The following LINGO2 variants were observed in gnomAD, a reference collection of about 807,000 sequenced individuals.
LINGO2 encodes the protein leucine-rich repeat and immunoglobulin-like domain-containing nogo receptor-interacting protein 2.
In LINGO2, 14 loss-of-function variants were observed where a neutral mutation model predicts 30.6. The ratio of observed to expected loss-of-function variants is 0.46; its 90% CI spans 0.30 to 0.72. The LOEUF (loss-of-function observed/expected upper bound fraction) is 0.72, where lower values mean the gene tolerates loss of function less well. Ranked by LOEUF, LINGO2 falls within the 30% of genes least tolerant of loss-of-function variation. The probability of loss-of-function intolerance (pLI) is 0.07; values close to 1 mark genes in which losing one functional copy is unlikely to be tolerated. For missense variants in LINGO2, 729 were observed against 751.7 expected (o/e 0.97, Z 0.35); for synonymous variants, 317 against 288.5 (o/e 1.10, Z -1.00).
chr9:29,149,636 C>T, the LINGO2 span, among the ~76,000 whole-genome samples: 8 of 152,042 alleles, frequency 5.3e-5, no homozygotes, highest in African/African-American at 2.4e-5. Context: ...GGGCAGTCTA[C>T]TCTCCTTACG....
chr9:28,806,746 C>T, the LINGO2 span, among the ~76,000 whole-genome samples: 4 of 152,052 alleles, frequency 2.6e-5, no homozygotes, highest in Non-Finnish European at 5.9e-5. Context: ...TTTTCTTATA[C>T]TCCTTAAACT....
the LINGO2 span, among the ~76,000 whole-genome samples, chr9:29,098,324 A>G: frequency 1.3e-5 from 2 of 152,200 alleles, no homozygotes; most frequent in Admixed American, 6.5e-5. Context: ...TTTAACAAAA[A>G]TTATGAAAAG....
intron 4 of LINGO2, among the ~76,000 whole-genome samples, chr9:28,244,061 A>G (rs1390432368): frequency 6.6e-6 from 1 of 151,062 alleles, no homozygotes; most frequent in Non-Finnish European, 1.5e-5. Flanking sequence ...GCTAAAATTG[A>G]CCACATAATT....
At chr9:28,542,970 C>A (rs540096610) in intron 1 of LINGO2, among the ~76,000 whole-genome samples, 57 of 151,672 alleles carry the variant, frequency 3.8e-4, no homozygotes, top group Admixed American at 7.9e-4. Context: ...GTGTAGGGCA[C>A]AGAAAACAAC....
intron 4 of LINGO2, among the ~76,000 whole-genome samples, chr9:28,224,464 G>A (rs1821079500): frequency 1.3e-5 from 2 of 152,024 alleles, no homozygotes; most frequent in Admixed American, 1.3e-4. Context: ...AGGATAACTG[G>A]GATATCCATC....
intron 1 of LINGO2, among the ~76,000 whole-genome samples, chr9:28,591,145 C>T (rs1362603121): frequency 6.7e-6 from 1 of 148,926 alleles, no homozygotes; most frequent in Non-Finnish European, 1.5e-5. Flanking sequence ...ACCTCACACA[C>T]TGGGGCCTGT....
rs184956341 is a variant in LINGO2 at position 28,063,450 on chromosome 9, G to T, written c.-86-51045C>A. On this transcript the variant is annotated intron_variant, in intron 4 of 5. Transcript: ENST00000379992. ...TATTATCCACATTTTTTTTTTTAAA[G>T]ACAAGGTCTTGATATGTTGCCCAAG... Among the ~76,000 whole-genome samples, 187 of 149,096 alleles carry T rather than the reference G, an allele frequency of 1.3e-3. 1 individual carries two copies. Among genetic ancestry groups the T allele is most frequent in the African/African-American group, 4.4e-3 (178 of 40,524 alleles).
At chr9:28,573,575 T>G in intron 1 of LINGO2, among the ~76,000 whole-genome samples, 1 of 152,280 alleles carries the variant, frequency 6.6e-6, no homozygotes, top group East Asian at 1.9e-4. Context: ...TCCCGAACAC[T>G]ATATAGTATT....
chr9:28,299,511 G>T (rs1276103351), intron 3 of LINGO2, among the ~76,000 whole-genome samples: 1 of 151,872 alleles, frequency 6.6e-6, no homozygotes, highest in Non-Finnish European at 1.5e-5. Context: ...GTAGGCAGAG[G>T]TCATTAACAA....
At chr9:28,739,738 G>A in the LINGO2 span, among the ~76,000 whole-genome samples, 1 of 151,482 alleles carries the variant, frequency 6.6e-6, no homozygotes, top group Admixed American at 6.6e-5. Flanking sequence ...TGAAATCTAT[G>A]TATCTCTAAG....
the LINGO2 span, among the ~76,000 whole-genome samples, chr9:29,156,364 T>A: frequency 1.3e-5 from 2 of 152,124 alleles, no homozygotes; most frequent in African/African-American, 4.8e-5. Context: ...TAGTGTAGTT[T>A]CAACAATATT....
chr9:28,830,516 A>C, the LINGO2 span, among the ~76,000 whole-genome samples: 2 of 152,202 alleles, frequency 1.3e-5, no homozygotes, highest in African/African-American at 4.8e-5. Context: ...CCACTCAATA[A>C]AGTACAGGGT....
chr9:28,376,358 A>G (rs1821131928), intron 2 of LINGO2, among the ~76,000 whole-genome samples: 1 of 152,176 alleles, frequency 6.6e-6, no homozygotes, highest in Non-Finnish European at 1.5e-5. Flanking sequence ...ATCTTCTTCT[A>G]AGAGGTTTCC....
At chr9:28,335,978 G>T (rs990274281) in intron 3 of LINGO2, among the ~76,000 whole-genome samples, 4 of 151,840 alleles carry the variant, frequency 2.6e-5, no homozygotes, top group South Asian at 4.1e-4. Context: ...ATGTAATATT[G>T]TAGGTTTAAT....
At chr9:28,771,760 T>C in the LINGO2 span, among the ~76,000 whole-genome samples, 1 of 152,270 alleles carries the variant, frequency 6.6e-6, no homozygotes, top group Non-Finnish European at 1.5e-5. Flanking sequence ...AGATTGGCTA[T>C]TAGGAAAGAT....
chr9:28,951,956 C>T, the LINGO2 span, among the ~76,000 whole-genome samples: 1 of 152,144 alleles, frequency 6.6e-6, no homozygotes, highest in Non-Finnish European at 1.5e-5. Flanking sequence ...CTCAACATCA[C>T]TGATCATTAG....
intron 4 of LINGO2, among the ~76,000 whole-genome samples, chr9:28,044,350 G>A (rs146489848): frequency 1.3e-5 from 2 of 152,124 alleles, no homozygotes; most frequent in East Asian, 3.9e-4. Context: ...TTTAATGAAC[G>A]TATTTCCCCA....
At chr9:28,407,285 A>T (rs1822553699) in intron 2 of LINGO2, among the ~76,000 whole-genome samples, 1 of 152,210 alleles carries the variant, frequency 6.6e-6, no homozygotes, top group African/African-American at 2.4e-5. Flanking sequence ...ATAGAAAAAT[A>T]TAATGAGCCA....
At chr9:28,475,048 G>A (rs1825676410) in intron 2 of LINGO2, among the ~76,000 whole-genome samples, 1 of 151,878 alleles carries the variant, frequency 6.6e-6, no homozygotes, top group Non-Finnish European at 1.5e-5. Context: ...TTAACCCACA[G>A]AGAGTCTGAG....
Sources: gnomAD v4.1 joint callset for allele counts (sites outside exome capture counted in the v4.1 genomes callset) on GRCh38, gnomAD v4.1.1 for gene constraint, MANE v1.5 for transcripts, NCBI Gene and HGNC (gene_info 2026-07-23, HGNC 2026-07-21) for gene names.